TMPRSS15: variants seen among roughly 807,000 people sequenced by gnomAD.
The protein encoded by TMPRSS15 is transmembrane serine protease 15, also known as enteropeptidase.
In TMPRSS15, 128 loss-of-function variants were observed where a neutral mutation model predicts 125.3. The ratio of observed to expected loss-of-function variants is 1.02; its 90% CI spans 0.89 to 1.18. The LOEUF (loss-of-function observed/expected upper bound fraction) is 1.18, where lower values mean the gene tolerates loss of function less well. Ranked by LOEUF, TMPRSS15 falls within the 50% of genes most tolerant of loss-of-function variation. TMPRSS15 has a pLI of 0.00. For synonymous variants in TMPRSS15, 446 were observed against 423.2 expected (o/e 1.05, Z -0.66); for missense variants, 1,283 against 1,212.7 (o/e 1.06, Z -0.86).
intron 17 of TMPRSS15, among the ~76,000 whole-genome samples, chr21:18,314,058 A>G (rs2075131567): frequency 6.6e-6 from 1 of 152,216 alleles, no homozygotes. Flanking sequence ...GGAAAACATC[A>G]GTAATTGTAG....
Position 18,275,338 on chromosome 21 carries a change from T to A in TMPRSS15, c.2765-2A>T, listed in dbSNP as rs766036459. ...CTTGCAATATGTTTGCAGTAGTACC[T>A]GCTCAAAATGGAGAATGCAGCCAGC... On this transcript the variant is annotated splice_acceptor_variant, in intron 23 of 24. Coordinates refer to ENST00000284885, the MANE Select transcript of TMPRSS15 (RefSeq NM_002772.3). LOFTEE classifies it high-confidence loss of function. 1 of 1,613,870 alleles carries A rather than the reference T, an allele frequency of 6.2e-7. No homozygotes were observed. The highest frequency in any genetic ancestry group is 8.5e-7 in the Non-Finnish European group (1 of 1,179,974).
intron 24 of TMPRSS15, among the ~76,000 whole-genome samples, chr21:18,272,142 C>A (rs1275097706): frequency 2.0e-5 from 3 of 152,188 alleles, no homozygotes; most frequent in Non-Finnish European, 4.4e-5. Flanking sequence ...AATTGCCACG[C>A]TGTCTTCCAC....
intron 16 of TMPRSS15, among the ~76,000 whole-genome samples, chr21:18,316,794 C>A (rs566868562): frequency 6.6e-6 from 1 of 152,150 alleles, no homozygotes; most frequent in African/African-American, 2.4e-5. Flanking sequence ...CTGGGAGAGC[C>A]CTCATATCAC....
chr21:18,472,714 A>C (rs552358931), intron 1 of TMPRSS15, among the ~76,000 whole-genome samples: 1 of 152,088 alleles, frequency 6.6e-6, no homozygotes, highest in East Asian at 1.9e-4. Context: ...AAAATAATAC[A>C]TTAAAATTTT....
At chr21:18,403,318 A>G (rs1317396887) in intron 1 of TMPRSS15, among the ~76,000 whole-genome samples, 160 bp downstream of exon 1, 1 of 152,248 alleles carries the variant, frequency 6.6e-6, no homozygotes, top group African/African-American at 2.4e-5. Context: ...TGAAGGCAAC[A>G]TAAATATTTT....
At chr21:18,439,780 GAGACTAGATACCAT>G (rs1166504034) in intron 1 of TMPRSS15, among the ~76,000 whole-genome samples, 1 of 152,172 alleles carries the variant, frequency 6.6e-6, no homozygotes, top group Non-Finnish European at 1.5e-5. Context: ...AGCACAAAGA[GAGACTAGATACCAT>G]CTTTAAAGCT....
chr21:18,465,037 C>A (rs2122955117), intron 1 of TMPRSS15, among the ~76,000 whole-genome samples: 4 of 152,106 alleles, frequency 2.6e-5, no homozygotes, highest in African/African-American at 9.7e-5. Flanking sequence ...ACGAATACAG[C>A]AGCACATCAA....
intron 1 of TMPRSS15, among the ~76,000 whole-genome samples, chr21:18,485,633 A>G (rs543841929): frequency 2.4e-4 from 36 of 152,164 alleles, no homozygotes; most frequent in African/African-American, 8.4e-4. Context: ...GACATGGTGA[A>G]TAATATTGAC....
At chr21:18,469,419 C>A (rs1376734051) in intron 1 of TMPRSS15, among the ~76,000 whole-genome samples, 2 of 151,934 alleles carry the variant, frequency 1.3e-5, no homozygotes, top group Non-Finnish European at 2.9e-5. Context: ...AAAAGAATTA[C>A]CTAAATTATT....
intron 1 of TMPRSS15, 40 bp from the exon 2 acceptor site, chr21:18,398,369 T>C: frequency 6.2e-7 from 1 of 1,606,634 alleles, no homozygotes; most frequent in Non-Finnish European, 8.5e-7. Flanking sequence ...AGATTTTGGA[T>C]TATGAGTAGG....
At chr21:18,302,603 T>C in intron 18 of TMPRSS15, among the ~76,000 whole-genome samples, 1 of 152,204 alleles carries the variant, frequency 6.6e-6, no homozygotes, top group East Asian at 1.9e-4. Flanking sequence ...TAAAGAAATG[T>C]CAATAAAAAC....
chr21:18,311,917 C>T (rs565026917), intron 18 of TMPRSS15, among the ~76,000 whole-genome samples: 29 of 152,188 alleles, frequency 1.9e-4, no homozygotes, highest in Middle Eastern at 3.4e-3. Flanking sequence ...TTTACATATA[C>T]ATAGAGTGTA....
chr21:18,351,405 C>T (rs1478687430), intron 10 of TMPRSS15, among the ~76,000 whole-genome samples: 1 of 152,112 alleles, frequency 6.6e-6, no homozygotes, highest in Non-Finnish European at 1.5e-5. Context: ...AATCTCATCT[C>T]CAATTGTAAT....
intron 1 of TMPRSS15, among the ~76,000 whole-genome samples, chr21:18,435,974 G>T (rs1383241431): frequency 6.7e-6 from 1 of 148,714 alleles, no homozygotes; most frequent in Non-Finnish European, 1.5e-5. Context: ...GATCGGTGGT[G>T]ATATCCCCTT....
Position 18,294,628 on chromosome 21 carries a change from C to A in TMPRSS15, c.2286G>T (p.Leu762Phe). ...TPSQQCLQDS[L>F]IRLQCNHKSC... ...ATTTATGGTTACACTGTAACCGAAT[C>A]AAGGAATCCTGTAAACACTGTTGAC... is the stretch of plus-strand genomic sequence containing the variant. The change falls in exon 20 of 25, where the codon TTG becomes TTT. Residue 762 changes from leucine (L) to phenylalanine (F), a missense_variant. Coordinates refer to ENST00000284885, the MANE Select transcript of TMPRSS15 (RefSeq NM_002772.3). 1 of 1,610,874 alleles carries A rather than the reference C, an allele frequency of 6.2e-7. No homozygotes were observed. Among genetic ancestry groups the A allele is most frequent in the Middle Eastern group, 1.7e-4 (1 of 6,046 alleles).
chr21:18,448,832 G>A (rs2123250291), intron 1 of TMPRSS15, among the ~76,000 whole-genome samples: 1 of 152,064 alleles, frequency 6.6e-6, no homozygotes, highest in Non-Finnish European at 1.5e-5. Flanking sequence ...TTTCTGTTAG[G>A]CTTAGTAAGC....
At position 18,430,246 on chromosome 21, in the gene TMPRSS15, C is replaced by T. The variant is rs935109804; in HGVS notation, c.11-31917G>A. 2.0e-5 allele frequency among the ~76,000 whole-genome samples: 3 copies of T among 152,198 alleles called. No homozygotes were observed. In the East Asian group the frequency reaches 5.8e-4, roughly 29 times the overall value. ...AATTAGTGACACCTTTTTCTATCTG[C>T]TTGAAGAAGGTTATATAGCATTCTG... On this transcript the variant is annotated intron_variant, in intron 1 of 7. Coordinates refer to the TMPRSS15 transcript ENST00000422787.
At chr21:18,437,993 T>G (rs2076231859) in intron 1 of TMPRSS15, among the ~76,000 whole-genome samples, 2 of 151,676 alleles carry the variant, frequency 1.3e-5, no homozygotes, top group South Asian at 4.2e-4. Flanking sequence ...CCCAAAGGAC[T>G]ATAAATCATG....
intron 1 of TMPRSS15, among the ~76,000 whole-genome samples, chr21:18,464,920 A>C (rs1410367904): frequency 6.6e-6 from 1 of 152,212 alleles, no homozygotes; most frequent in Non-Finnish European, 1.5e-5. Context: ...TGAGGCCAGC[A>C]TCATCCTTTT....
Sources: gnomAD v4.1 joint callset for allele counts (sites outside exome capture counted in the v4.1 genomes callset) on GRCh38, gnomAD v4.1.1 for gene constraint, MANE v1.5 for transcripts, NCBI Gene and HGNC (gene_info 2026-07-23, HGNC 2026-07-21) for gene names.